The following IFT46 variants were observed in gnomAD, a reference collection of about 807,000 sequenced individuals.
IFT46 encodes the protein intraflagellar transport protein 46 homolog.
A neutral mutation model predicts 39.6 loss-of-function variants in IFT46; 19 were observed. The observed-to-expected ratio is 0.48, with a 90% CI of 0.33 to 0.70. The LOEUF is 0.70. Among genes scored for constraint, IFT46 ranks in the 30% least tolerant of loss-of-function variants. The probability of loss-of-function intolerance (pLI) is 0.01; values close to 1 mark genes in which losing one functional copy is unlikely to be tolerated. For missense variants in IFT46, 334 were observed against 364.8 expected (o/e 0.92, Z 0.69); for synonymous variants, 117 against 134.8 (o/e 0.87, Z 0.91).
At chr11:118,560,706 T>C (rs1457435769) in intron 2 of IFT46, 4 of 612,836 alleles carry the variant, frequency 6.5e-6, no homozygotes, top group Non-Finnish European at 1.2e-5. Flanking sequence ...TTTATTAAAG[T>C]TGTTAAGAAT....
chr11:118,554,939 G>A (rs189609518), intron 6 of IFT46, 51 bp downstream of exon 6: 18 of 1,253,096 alleles, frequency 1.4e-5, no homozygotes, highest in Non-Finnish European at 2.1e-5. Flanking sequence ...GAGTAACAGG[G>A]GCATCAGAAG....
rs113167531 is a variant in IFT46 at position 118,545,501 on chromosome 11, C to T, written c.734-7G>A. On this transcript the variant is annotated splice_region_variant and splice_polypyrimidine_tract_variant and intron_variant, in intron 10 of 11. Transcript: ENST00000264021. ...ACAGGGATGTCTAGAATGGCTGAAA[C>T]GAAGAAGAACTTCCAGGAACAGAAG... The T allele has an allele frequency of 0.017, 27,122 of 1,607,202 alleles. 298 individuals carry two copies. Among genetic ancestry groups the T allele is most frequent in the Admixed American group, 0.049 (2,919 of 59,870 alleles).
At chr11:118,548,882 C>T (rs1951757257) in intron 9 of IFT46, among the ~76,000 whole-genome samples, 1 of 150,452 alleles carries the variant, frequency 6.6e-6, no homozygotes, top group Admixed American at 6.6e-5. Flanking sequence ...TGGCCTCCCA[C>T]TCCATTATGA....
intron 7 of IFT46, among the ~76,000 whole-genome samples, chr11:118,554,052 C>CT (rs782067203): frequency 0.013 from 1,737 of 138,782 alleles, 32 homozygotes; most frequent in African/African-American, 0.037. Context: ...ATAACCATCT[C>CT]TTTTTTTTTT....
chr11:118,561,269 C>T, intron 2 of IFT46: 1 of 1,319,170 alleles, frequency 7.6e-7, no homozygotes, highest in Non-Finnish European at 1.1e-6. Context: ...TGCAGAAGTA[C>T]ACCAGAAGCA....
At chr11:118,569,577 A>C (rs1454509703), upstream of IFT46, among the ~76,000 whole-genome samples, 1 of 152,230 alleles carries the variant, frequency 6.6e-6, no homozygotes, top group African/African-American at 2.4e-5. Flanking sequence ...AAGAGCAAGA[A>C]GTCTATAATG....
At chr11:118,572,819 A>G in exon 1 of IFT46, 1 of 434,150 alleles carries the variant, frequency 2.3e-6, no homozygotes. Context: ...TGCCCCTGAG[A>G]CGGCCCGGCG....
rs1951636801 is a variant in IFT46, at chr11:118,544,867, TG to T, written c.*48del. 1.5e-6 allele frequency: 2 copies of T among 1,334,926 alleles called. No homozygotes were observed. The highest frequency in any genetic ancestry group is 2.0e-4 in the Middle Eastern group (1 of 5,124). 82.7% of individuals were successfully genotyped at this position (1,334,926 alleles called of 1,614,324 possible). A position where few individuals can be genotyped will look rare whatever the true frequency, so the allele number is the denominator to read the frequency against. ...CTGACAACGATCTGTCCATCTCAGC[TG>T]GGGCAGAGGGGCCAGCTCAGCCTTG... On this transcript the variant is annotated 3_prime_UTR_variant, in exon 12 of 12. Transcript: ENST00000264021.
chr11:118,553,861 G>A (rs1937736670), intron 7 of IFT46, among the ~76,000 whole-genome samples: 1 of 152,156 alleles, frequency 6.6e-6, no homozygotes, highest in South Asian at 2.1e-4. Flanking sequence ...GGAGTGAATA[G>A]TAATGGGTAT....
At chr11:118,576,092 T>A (rs538525637), upstream of IFT46, among the ~76,000 whole-genome samples, 2 of 152,000 alleles carry the variant, frequency 1.3e-5, no homozygotes, top group Admixed American at 6.6e-5. Context: ...ATTTCAATAA[T>A]CAATTAAGTG....
At chr11:118,568,093 C>T (rs1477471709), upstream of IFT46, among the ~76,000 whole-genome samples, 3 of 152,106 alleles carry the variant, frequency 2.0e-5, no homozygotes, top group East Asian at 1.9e-4. Flanking sequence ...GTTATATTTC[C>T]GAAGAAGCAG....
chr11:118,574,673 A>G (rs1247775798), upstream of IFT46, among the ~76,000 whole-genome samples: 5 of 152,230 alleles, frequency 3.3e-5, no homozygotes, highest in Admixed American at 6.5e-5. Flanking sequence ...CAAAGTTCCA[A>G]TAGATAAATA....
chr11:118,554,704 G>A (rs2277292), intron 6 of IFT46, 117 bp from the exon 7 acceptor site: 19 of 1,112,338 alleles, frequency 1.7e-5, no homozygotes, highest in Admixed American at 2.6e-5. Flanking sequence ...CATGCTGTAC[G>A]CAATACTATC....
chr11:118,562,158 T>A (rs1380934200), intron 2 of IFT46, among the ~76,000 whole-genome samples: 1 of 151,948 alleles, frequency 6.6e-6, no homozygotes, highest in Non-Finnish European at 1.5e-5. Flanking sequence ...ACTCCTATAA[T>A]CCCAGCTACT....
intron 2 of IFT46, 55 bp downstream of exon 2, chr11:118,564,910 C>T (rs1291908594): frequency 6.6e-6 from 1 of 152,598 alleles, no homozygotes; most frequent in Non-Finnish European, 1.5e-5. Context: ...TTCTTGAAGA[C>T]AACCGTGAAT....
upstream of IFT46, among the ~76,000 whole-genome samples, chr11:118,568,810 C>A (rs965999257): frequency 2.6e-5 from 4 of 151,548 alleles, no homozygotes; most frequent in African/African-American, 9.7e-5. Flanking sequence ...CATGGGCCAC[C>A]ACGCCCAGCT....
At position 118,557,076 on chromosome 11, in the gene IFT46, T is replaced by G. The variant is rs1565348807; in HGVS notation, c.46-31A>C. On this transcript the variant is annotated intron_variant, in intron 3 of 11. Transcript: ENST00000264021. ...ATAGGGCAGGGCAGGCATAGAAAGCTTCAAGTAAAAAAATCAAATGTACCT... is the reference window on the plus strand; with the variant it reads ...ATAGGGCAGGGCAGGCATAGAAAGCGTCAAGTAAAAAAATCAAATGTACCT... 5 of 1,536,048 alleles carry G rather than the reference T, an allele frequency of 3.3e-6. No homozygotes were observed. In the Admixed American group the frequency reaches 6.2e-5, roughly 19 times the overall value.
At chr11:118,546,486 T>C (rs1438735627) in intron 9 of IFT46, 3 of 212,758 alleles carry the variant, frequency 1.4e-5, no homozygotes, top group South Asian at 1.1e-4. Context: ...TAATACCCTG[T>C]AAAAAAAAAG....
intron 2 of IFT46, among the ~76,000 whole-genome samples, chr11:118,564,678 T>A (rs1555071139): frequency 1.3e-5 from 2 of 151,476 alleles, no homozygotes; most frequent in Non-Finnish European, 2.9e-5. Context: ...AGGAAAAACA[T>A]AAGTTAAAAA....
Sources: gnomAD v4.1 joint callset for allele counts (sites outside exome capture counted in the v4.1 genomes callset) on GRCh38, gnomAD v4.1.1 for gene constraint, MANE v1.5 for transcripts, NCBI Gene and HGNC (gene_info 2026-07-23, HGNC 2026-07-21) for gene names.